The following FBN1 variants were observed in gnomAD, a reference collection of about 807,000 sequenced individuals.
FBN1 encodes fibrillin 1.
Under a neutral mutation model 365.1 loss-of-function variants are expected in FBN1, and 29 were observed. The ratio of observed to expected loss-of-function variants is 0.08; its 90% CI spans 0.06 to 0.11. The LOEUF (loss-of-function observed/expected upper bound fraction) is 0.11, where lower values mean the gene tolerates loss of function less well. FBN1 is among the 10% of genes least tolerant of loss of function. The pLI is 1.00. For synonymous variants in FBN1, 1,210 were observed against 1,270.5 expected, an observed-to-expected ratio of 0.95 and a Z score of 1.01; for missense variants, 2,476 against 3,703.2, an observed-to-expected ratio of 0.67 and a Z score of 8.60.
chr15:48,479,327 G>A (rs1219685657), intron 32 of FBN1, among the ~76,000 whole-genome samples: 2 of 152,174 alleles, frequency 1.3e-5, no homozygotes, highest in Non-Finnish European at 2.9e-5. Context: ...CCCTTCCACA[G>A]GTCAGGGCTG....
Position 48,511,424 on chromosome 15 carries a change from C to CT in FBN1, c.1589-1256dup, listed in dbSNP as rs766476244. ...TAAAAACCACATATTCTTGAGCAGA[C>CT]TTTTTTTTTTTAAGGATCCCATAAT... On this transcript the variant is annotated intron_variant, in intron 13 of 65. Coordinates refer to ENST00000316623, the MANE Select transcript of FBN1 (RefSeq NM_000138.5). Among the ~76,000 whole-genome samples the CT allele has an allele frequency of 7.9e-4, 116 of 146,160 alleles. 2 individuals are homozygous for CT. The highest frequency in any genetic ancestry group is 1.8e-3 in the African/African-American group (73 of 40,136).
At chr15:48,433,040 G>GAACC (rs759960271) in intron 54 of FBN1, 52 bp from the exon 55 acceptor site, 1 of 1,604,702 alleles carries the variant, frequency 6.2e-7, no homozygotes, top group Non-Finnish European at 8.5e-7. Context: ...CAACAAAAGG[G>GAACC]AACCTACCAA....
intron 44 of FBN1, among the ~76,000 whole-genome samples, chr15:48,454,610 T>TAAAGGGGATGG (rs1409746152): frequency 6.6e-6 from 1 of 152,182 alleles, no homozygotes; most frequent in African/African-American, 2.4e-5. Flanking sequence ...CTAAGTCCAA[T>TAAAGGGGATGG]AAAGGGGATG....
At chr15:48,460,404 T>C in intron 42 of FBN1, 87 bp from the exon 43 acceptor site, 1 of 818,776 alleles carries the variant, frequency 1.2e-6, no homozygotes, top group East Asian at 2.5e-5. Flanking sequence ...TTGTAAGCAT[T>C]CTTGAAAGGT....
chr15:48,496,100 C>T lies in FBN1; in HGVS notation c.2419G>A (p.Asp807Asn), dbSNP rs1566911886. Residue 807 changes from aspartate to asparagine, a missense_variant and splice_region_variant, in exon 20 of 66, where the codon GAC becomes AAC. By Grantham distance (23) the Asp-to-Asn change is conservative (BLOSUM62 1). Around this residue, in one of 5 missense-constraint regions of FBN1, gnomAD observed 1,780 missense variants for 2,840.8 expected, o/e 0.63. Transcript: ENST00000316623. ...GTATAAGAACAAAAATATGGTTTAC[C>T]TTCACATGTTTTTAGATCAGGTTTG... ...IYKPDLKTCE[D>N]IDECESSPCI... The T allele has an allele frequency of 6.2e-7, 1 of 1,613,638 alleles. No homozygotes were observed. Among genetic ancestry groups the T allele is most frequent in the Non-Finnish European group, 8.5e-7 (1 of 1,179,742 alleles).
At chr15:48,485,874 C>A (rs946128651) in intron 29 of FBN1, among the ~76,000 whole-genome samples, 2 of 152,186 alleles carry the variant, frequency 1.3e-5, no homozygotes, top group Non-Finnish European at 2.9e-5. Flanking sequence ...GGCTAACACA[C>A]CTCCCTCTGT....
intron 6 of FBN1, among the ~76,000 whole-genome samples, chr15:48,576,169 C>A (rs541665424): frequency 6.6e-6 from 1 of 152,304 alleles, no homozygotes; most frequent in East Asian, 1.9e-4. Context: ...CTCCAAACTC[C>A]ATCTGCTCCC....
rs2140787715 is a variant in FBN1, at chr15:48,644,702, T to A, written c.68A>T (p.His23Leu). The change falls in exon 2 of 66, where the codon CAT (histidine) becomes CTT (leucine). Residue 23 changes from histidine (H) to leucine (L), a missense_variant. Physicochemically the swap from His to Leu is moderately conservative, Grantham distance 99. Transcript: ENST00000316623. ...AGCCTCCAAATTGGCGTCCGCCCCA[T>A]GGCTCGTGTAGGACGCTAAAAGCAC... ...FTVLLASYTS[H>L]GADANLEAGN... 6.2e-7 allele frequency: 1 copy of A among 1,614,166 alleles called. No homozygotes were observed. The highest frequency in any genetic ancestry group is 1.1e-5 in the South Asian group (1 of 91,086).
At chr15:48,610,228 AG>A (rs780151165) in intron 4 of FBN1, among the ~76,000 whole-genome samples, 2 of 152,220 alleles carry the variant, frequency 1.3e-5, no homozygotes, top group Non-Finnish European at 2.9e-5. Context: ...ACATTCTGAA[AG>A]GAAAAATATG....
intron 9 of FBN1, among the ~76,000 whole-genome samples, chr15:48,523,708 GCT>G (rs1491390048): frequency 9.7e-4 from 127 of 130,926 alleles, no homozygotes; most frequent in African/African-American, 3.5e-3. Context: ...ACCAAGGGTG[GCT>G]GGGGGGGGGG....
In FBN1 at chr15:48,430,386, T is replaced by G. The variant is rs199733576; in HGVS notation, c.6871+285A>C. Among the ~76,000 whole-genome samples, 3 of 151,998 alleles carry G rather than the reference T, an allele frequency of 2.0e-5. No homozygotes were observed. The East Asian group carries it at 5.8e-4, about 29-fold the overall frequency. ...TGACCCCCAAATCAACAAAAGAGTA[T>G]GGAAAGTAAAGGAGGAGAATAGAGA... On this transcript the variant is annotated intron_variant, in intron 56 of 65. Coordinates refer to ENST00000316623, the MANE Select transcript of FBN1 (RefSeq NM_000138.5).
chr15:48,510,141 C>T lies in FBN1; in HGVS notation c.1617G>A (p.Arg539=). 1 of 1,613,316 alleles carries T rather than the reference C, an allele frequency of 6.2e-7. No homozygotes were observed. The highest frequency in any genetic ancestry group is 8.5e-7 in the Non-Finnish European group (1 of 1,179,490). ...RDIDECLQNG[R]ICNNGRCINT... ...TGATGCAGCGTCCATTATTGCAGAT[C>T]CGGCCATTCTGTAAACACTCATCAA... The change falls in exon 14 of 66, where the codon CGG becomes CGA. Residue 539 remains arginine (R), a synonymous_variant. Coordinates refer to ENST00000316623, the MANE Select transcript of FBN1 (RefSeq NM_000138.5).
At chr15:48,633,305 G>C (rs1376860863) in intron 2 of FBN1, among the ~76,000 whole-genome samples, 5 of 152,124 alleles carry the variant, frequency 3.3e-5, no homozygotes, top group Non-Finnish European at 7.4e-5. Flanking sequence ...TCTTTAGCAT[G>C]TTTATTACAT....
At chr15:48,452,536 T>C (rs1441067701) in intron 45 of FBN1, 26 bp downstream of exon 45, 6 of 1,613,786 alleles carry the variant, frequency 3.7e-6, no homozygotes, top group Non-Finnish European at 5.1e-6. Flanking sequence ...TGGGTAGGCA[T>C]GTCCAGCCTG....
At chr15:48,581,017 G>C (rs2044387524) in intron 6 of FBN1, among the ~76,000 whole-genome samples, 1 of 152,136 alleles carries the variant, frequency 6.6e-6, no homozygotes, top group Non-Finnish European at 1.5e-5. Context: ...GGCTGGGTGA[G>C]CTCAGAACAT....
intron 3 of FBN1, 124 bp from the exon 4 acceptor site, chr15:48,610,950 T>C: frequency 5.4e-6 from 4 of 747,190 alleles, no homozygotes; most frequent in African/African-American, 3.5e-5. Context: ...TCATGACTTA[T>C]ATGACCTTAA....
At position 48,411,135 on chromosome 15, in the gene FBN1, G is replaced by A; in HGVS notation, c.8471C>T (p.Ala2824Val). 3 of 1,614,094 alleles carry A rather than the reference G, an allele frequency of 1.9e-6. No homozygotes were observed. The South Asian group carries it at 3.3e-5, about 18-fold the overall frequency. ...YLHFTKKKPV[A>V]GTYSLQISST... The stretch of plus-strand genomic sequence containing the variant: ...ACTGATTTGTAATGAATAGGTTCCA[G>A]CCACTGGCTTCTTCTTTGTGAAGTG... Residue 2824 changes from alanine (A) to valine (V), a missense_variant, in exon 66 of 66, where the codon GCT becomes GTT. By Grantham distance (64) the Ala-to-Val change is moderately conservative. Coordinates refer to ENST00000316623, the MANE Select transcript of FBN1 (RefSeq NM_000138.5).
In FBN1 at chr15:48,428,355, C is replaced by G; in HGVS notation, c.6988G>C (p.Glu2330Gln). 1 of 1,614,098 alleles carries G rather than the reference C, an allele frequency of 6.2e-7. No individual in the cohort carries two copies. Among genetic ancestry groups the G allele is most frequent in the Non-Finnish European group, 8.5e-7 (1 of 1,180,002 alleles). Residue 2330 changes from glutamate to glutamine, a missense_variant, in exon 57 of 66, where the codon GAG becomes CAG. By Grantham distance (29) the Glu-to-Gln change is conservative. Coordinates refer to ENST00000316623, the MANE Select transcript of FBN1 (RefSeq NM_000138.5). ...DGFTASPNQD[E>Q]CLDNREGYCF... ...TGCCAACTGTACTCACCAAGGCACT[C>G]GTCCTGGTTGGGGCTGGCGGTAAAC...
chr15:48,488,526 G>C, intron 25 of FBN1, 33 bp from the exon 26 acceptor site: 1 of 1,608,256 alleles, frequency 6.2e-7, no homozygotes, highest in Non-Finnish European at 8.5e-7. Flanking sequence ...GGCAAAATAA[G>C]TTTATGAGCA....
Sources: gnomAD v4.1 joint callset for allele counts (sites outside exome capture counted in the v4.1 genomes callset) on GRCh38, gnomAD v4.1.1 for gene constraint, gnomAD v4.1.1 regional missense constraint, MANE v1.5 for transcripts, NCBI Gene and HGNC (gene_info 2026-07-23, HGNC 2026-07-21) for gene names.